Variants in ZFHX3 observed in about 807,000 individuals in gnomAD.
ZFHX3 encodes zinc finger homeobox 3, also known as zinc finger homeobox protein 3.
ZFHX3 carries 42 observed loss-of-function variants against 279.1 expected under a neutral mutation model. That is an observed-to-expected ratio of 0.15 (90% CI 0.12 to 0.19). The LOEUF is 0.19. ZFHX3 is among the 10% of genes least tolerant of loss of function. ZFHX3 has a pLI of 1.00. For synonymous variants in ZFHX3, 2,293 were observed against 1,957.8 expected, an observed-to-expected ratio of 1.17 and a Z score of -4.52; for missense variants, 4,981 against 4,754.0, an observed-to-expected ratio of 1.05 and a Z score of -1.40.
intron 5 of ZFHX3, among the ~76,000 whole-genome samples, chr16:72,828,483 C>T (rs2036986294): frequency 1.3e-5 from 2 of 152,340 alleles, no homozygotes; most frequent in South Asian, 2.1e-4. Context: ...AGAAATAGCA[C>T]TTCCTGTCTT....
intron 2 of ZFHX3, among the ~76,000 whole-genome samples, chr16:72,951,877 T>A (rs1418644852): frequency 6.6e-6 from 1 of 152,182 alleles, no homozygotes; most frequent in Admixed American, 6.5e-5. Flanking sequence ...CGGAACTGAA[T>A]TTTCAATGTT....
intron 2 of ZFHX3, among the ~76,000 whole-genome samples, chr16:73,524,170 T>C (rs992327218): frequency 3.2e-4 from 49 of 152,226 alleles, no homozygotes; most frequent in Middle Eastern, 3.4e-3. Flanking sequence ...CCAAGCCATC[T>C]CTCTGTGCAC....
intron 3 of ZFHX3, among the ~76,000 whole-genome samples, chr16:73,403,348 G>T (rs1313479466): frequency 6.6e-6 from 1 of 152,206 alleles, no homozygotes; most frequent in Non-Finnish European, 1.5e-5. Flanking sequence ...TTCGTTAAGT[G>T]ACTGGCCCTC....
At chr16:73,557,094 C>CAAAAAAAAAA (rs397766441) in intron 2 of ZFHX3, among the ~76,000 whole-genome samples, 2 of 68,554 alleles carry the variant, frequency 2.9e-5, no homozygotes, top group African/African-American at 7.5e-5. Flanking sequence ...GACTCCGTCT[C>CAAAAAAAAAA]AAAAAAAAAA....
At chr16:73,300,869 G>A (rs1213518752) in intron 4 of ZFHX3, among the ~76,000 whole-genome samples, 1 of 152,218 alleles carries the variant, frequency 6.6e-6, no homozygotes, top group East Asian at 1.9e-4. Flanking sequence ...GTGACATTGG[G>A]AGGTGTCCAG....
At chr16:73,704,259 C>T (rs1193490500) in intron 1 of ZFHX3, among the ~76,000 whole-genome samples, 1 of 151,998 alleles carries the variant, frequency 6.6e-6, no homozygotes, top group African/African-American at 2.4e-5. Flanking sequence ...TGACTTTCTC[C>T]CTGCAACAGT....
intron 1 of ZFHX3, chr16:73,813,876 T>C (rs1469087889): frequency 6.6e-6 from 1 of 152,226 alleles, no homozygotes; most frequent in Non-Finnish European, 1.5e-5. Context: ...TGTTCCCTTG[T>C]TTGTCTGGAG....
intron 2 of ZFHX3, among the ~76,000 whole-genome samples, chr16:73,647,728 C>A (rs552515798): frequency 6.6e-6 from 1 of 150,512 alleles, no homozygotes; most frequent in South Asian, 2.1e-4. Flanking sequence ...TCAAGAAAAG[C>A]AGAAGAGAAA....
At chr16:73,708,549 G>A (rs555775713) in intron 1 of ZFHX3, among the ~76,000 whole-genome samples, 1 of 152,230 alleles carries the variant, frequency 6.6e-6, no homozygotes, top group East Asian at 1.9e-4. Flanking sequence ...CTAAGTAGTA[G>A]GATTACCATC....
chr16:73,687,040 A>ATATATATAT (rs1461006895), intron 1 of ZFHX3, among the ~76,000 whole-genome samples: 4 of 110,062 alleles, frequency 3.6e-5, no homozygotes, highest in African/African-American at 1.5e-4. Flanking sequence ...ATATATATAT[A>ATATATATAT]TATATATATA....
At chr16:72,856,282 C>T (rs138206857) in intron 4 of ZFHX3, among the ~76,000 whole-genome samples, 8 of 152,334 alleles carry the variant, frequency 5.3e-5, no homozygotes, top group African/African-American at 1.7e-4. Flanking sequence ...ACAATGAGCA[C>T]GCACGTGGTC....
At chr16:73,859,337 G>C (rs1273264677) in intron 1 of ZFHX3, among the ~76,000 whole-genome samples, 1 of 152,180 alleles carries the variant, frequency 6.6e-6, no homozygotes, top group South Asian at 2.1e-4. Context: ...GTGAATTAAA[G>C]CCTTGATGAT....
At chr16:72,923,359 C>T (rs997762166) in intron 3 of ZFHX3, among the ~76,000 whole-genome samples, 2 of 149,916 alleles carry the variant, frequency 1.3e-5, no homozygotes, top group East Asian at 4.0e-4. Context: ...GTGGGAGGAT[C>T]TGTAGAGCCT....
At chr16:73,183,498 C>A (rs1264504393) in intron 5 of ZFHX3, among the ~76,000 whole-genome samples, 2 of 152,144 alleles carry the variant, frequency 1.3e-5, no homozygotes, top group African/African-American at 4.8e-5. Context: ...TTGTGTTTTC[C>A]CCCTGAAGGG....
chr16:73,189,219 A>T (rs1967978552), intron 5 of ZFHX3, among the ~76,000 whole-genome samples: 1 of 152,186 alleles, frequency 6.6e-6, no homozygotes, highest in African/African-American at 2.4e-5. Context: ...AAGGGTGAAG[A>T]CATTCTCCAA....
At chr16:73,333,268 TAC>T (rs1269321553) in intron 3 of ZFHX3, among the ~76,000 whole-genome samples, 4 of 150,960 alleles carry the variant, frequency 2.6e-5, no homozygotes, top group South Asian at 4.2e-4. Context: ...GATAGAAAAA[TAC>T]AGTTACATAG....
At chr16:72,878,394 C>T (rs562996856) in intron 4 of ZFHX3, among the ~76,000 whole-genome samples, 1 of 152,324 alleles carries the variant, frequency 6.6e-6, no homozygotes, top group African/African-American at 2.4e-5. Context: ...GTGAGGACCC[C>T]TGCCAGGGCC....
intron 1 of ZFHX3, among the ~76,000 whole-genome samples, chr16:73,843,507 G>C (rs1287965944): frequency 6.6e-6 from 1 of 152,158 alleles, no homozygotes; most frequent in Admixed American, 6.5e-5. Flanking sequence ...GCGGTGTAGA[G>C]AATCAAGAAA....
intron 3 of ZFHX3, chr16:73,401,973 C>T (rs1653088030): frequency 6.6e-6 from 1 of 152,150 alleles, no homozygotes; most frequent in African/African-American, 2.4e-5. Context: ...GTTAGTAGGA[C>T]CACCTGATTC....
Sources: gnomAD v4.1 joint callset for allele counts (sites outside exome capture counted in the v4.1 genomes callset) on GRCh38, gnomAD v4.1.1 for gene constraint, MANE v1.5 for transcripts, NCBI Gene and HGNC (gene_info 2026-07-23, HGNC 2026-07-21) for gene names.